Variants in TCF12 observed in about 807,000 individuals in gnomAD.
TCF12 encodes DNA-binding protein HTF4.
TCF12 carries 45 observed loss-of-function variants against 86.0 expected under a neutral mutation model. The observed-to-expected ratio is 0.52, with a 90% CI of 0.41 to 0.67. TCF12 has a LOEUF of 0.67. TCF12 is among the 30% of genes least tolerant of loss of function. The pLI is 0.00. For synonymous variants in TCF12, 330 were observed against 299.6 expected (o/e 1.10, Z -1.05); for missense variants, 881 against 859.9 (o/e 1.02, Z -0.31).
intron 12 of TCF12, among the ~76,000 whole-genome samples, chr15:57,236,107 A>G (rs537640208): frequency 5.9e-5 from 9 of 152,284 alleles, no homozygotes; most frequent in African/African-American, 1.4e-4. Flanking sequence ...AGGTCATTCC[A>G]TAAATCATTT....
chr15:57,197,310 C>T (rs1385527239), intron 7 of TCF12, among the ~76,000 whole-genome samples: 2 of 151,906 alleles, frequency 1.3e-5, no homozygotes, highest in East Asian at 3.9e-4. Flanking sequence ...GCGCCCGCCA[C>T]CACGGCCAGT....
chr15:57,051,733 T>C (rs1350980118), intron 3 of TCF12, among the ~76,000 whole-genome samples: 1 of 152,214 alleles, frequency 6.6e-6, no homozygotes, highest in Admixed American at 6.5e-5. Context: ...ATTTGGATCT[T>C]ACCCAGAGAG....
rs562754857 is a variant in TCF12, at chr15:57,243,463, T to C, written c.1036-9T>C. The C allele has an allele frequency of 8.0e-5, 129 of 1,612,438 alleles. 1 individual carries two copies. The South Asian group carries it at 1.4e-3, about 18-fold the overall frequency. ...GTTGATACATGTATATTTCTTGTTT[T>C]CTGGTTAGATTTATTCTCCTGACCA... On this transcript the variant is annotated splice_polypyrimidine_tract_variant and intron_variant, in intron 12 of 20. Coordinates refer to ENST00000333725, the MANE Select transcript of TCF12 (RefSeq NM_207037.2).
At chr15:57,031,836 T>C (rs887288060) in intron 3 of TCF12, among the ~76,000 whole-genome samples, 1 of 152,158 alleles carries the variant, frequency 6.6e-6, no homozygotes, top group Non-Finnish European at 1.5e-5. Flanking sequence ...TTTTTCCTTT[T>C]CCCCTATTTT....
chr15:57,278,861 T>G (rs1257602632), intron 19 of TCF12, among the ~76,000 whole-genome samples: 1 of 150,420 alleles, frequency 6.6e-6, no homozygotes, highest in Non-Finnish European at 1.5e-5. Flanking sequence ...TTTTTCTTTG[T>G]TTTTCTTTCT....
chr15:57,180,654 A>ATTCTT (rs66524710), intron 6 of TCF12, among the ~76,000 whole-genome samples: 66,824 of 151,292 alleles, frequency 0.44, 15,741 homozygotes, highest in Non-Finnish European at 0.53. Flanking sequence ...ATTCTGTAGA[A>ATTCTT]TAATAACACA....
intron 5 of TCF12, among the ~76,000 whole-genome samples, chr15:57,092,309 C>T (rs988264157): frequency 1.3e-5 from 2 of 152,100 alleles, no homozygotes; most frequent in Admixed American, 1.3e-4. Flanking sequence ...CAATATTTCT[C>T]CTGGCACAAT....
intron 5 of TCF12, among the ~76,000 whole-genome samples, chr15:57,155,474 T>A (rs1375108876): frequency 1.3e-5 from 2 of 152,174 alleles, no homozygotes; most frequent in Non-Finnish European, 2.9e-5. Flanking sequence ...ATGTCATATT[T>A]TGTCCTCATG....
intron 5 of TCF12, among the ~76,000 whole-genome samples, chr15:57,146,019 G>C (rs1367304723): frequency 1.3e-5 from 2 of 152,160 alleles, no homozygotes; most frequent in Non-Finnish European, 2.9e-5. Flanking sequence ...TACACTTTGA[G>C]TGGAGTTAAA....
Position 57,273,123 on chromosome 15 carries a change from C to T in TCF12, c.1839C>T (p.Arg613=), listed in dbSNP as rs1379989668. 1.2e-6 allele frequency: 2 copies of T among 1,614,190 alleles called. No homozygotes were observed. Among genetic ancestry groups the T allele is most frequent in the Admixed American group, 1.7e-5 (1 of 60,032 alleles). ...CTAACAATGCCAGAGAACGCTTACG[C>T]GTGCGGGATATTAATGAAGCATTCA... is the stretch of plus-strand genomic sequence containing the variant. The part of the protein sequence containing the change: ...RMANNARERL[R]VRDINEAFKE... The change falls in exon 19 of 21, where the codon CGC becomes CGT. Residue 613 remains arginine, a synonymous_variant. Transcript: ENST00000333725.
intron 19 of TCF12, 71 bp downstream of exon 19, chr15:57,273,333 C>G (rs1261748886): frequency 1.8e-5 from 27 of 1,483,494 alleles, no homozygotes; most frequent in Non-Finnish European, 2.4e-5. Flanking sequence ...TACAGTTGCT[C>G]TTCTGCTTGG....
intron 5 of TCF12, among the ~76,000 whole-genome samples, chr15:57,127,228 T>C (rs1281558428): frequency 1.3e-5 from 2 of 152,014 alleles, no homozygotes; most frequent in African/African-American, 2.4e-5. Flanking sequence ...GGTGATCCAT[T>C]CATCTTGGCC....
intron 3 of TCF12, among the ~76,000 whole-genome samples, chr15:56,928,887 A>G (rs1283488495): frequency 6.6e-6 from 1 of 152,142 alleles, no homozygotes; most frequent in Non-Finnish European, 1.5e-5. Flanking sequence ...GGTTGGAGAG[A>G]ATGTTAAGAG....
chr15:57,006,344 AC>A (rs1213074906), intron 3 of TCF12, among the ~76,000 whole-genome samples: 1 of 151,822 alleles, frequency 6.6e-6, no homozygotes, highest in Non-Finnish European at 1.5e-5. Context: ...CGCTCTTGTC[AC>A]CCAGGCTGGA....
At chr15:57,170,938 A>G (rs1488674206) in intron 6 of TCF12, among the ~76,000 whole-genome samples, 1 of 146,336 alleles carries the variant, frequency 6.8e-6, no homozygotes, top group East Asian at 2.0e-4. Context: ...CACCACTCCC[A>G]GAGGAAATTT....
intron 13 of TCF12, chr15:57,247,650 T>G: frequency 1.3e-6 from 1 of 776,082 alleles, no homozygotes; most frequent in Non-Finnish European, 2.3e-6. Context: ...GTTTCTTCTT[T>G]AATACCACCA....
intron 5 of TCF12, among the ~76,000 whole-genome samples, chr15:57,097,026 C>T (rs774494373): frequency 2.0e-5 from 3 of 152,142 alleles, no homozygotes; most frequent in Non-Finnish European, 4.4e-5. Context: ...TTGTAGATTG[C>T]ATAGGTTTCA....
chr15:57,119,298 G>T (rs1293352654), intron 5 of TCF12, among the ~76,000 whole-genome samples: 1 of 150,832 alleles, frequency 6.6e-6, no homozygotes, highest in Non-Finnish European at 1.5e-5. Flanking sequence ...TTGTTTTTTT[G>T]TTTTTTTGGC....
intron 5 of TCF12, among the ~76,000 whole-genome samples, chr15:57,141,963 G>T (rs2053000717): frequency 6.6e-6 from 1 of 152,194 alleles, no homozygotes; most frequent in South Asian, 2.1e-4. Flanking sequence ...CAAACGGGAG[G>T]AATAGTTTGG....
Sources: allele counts gnomAD v4.1 joint callset (sites outside exome capture counted in the v4.1 genomes callset), GRCh38; gene constraint gnomAD v4.1.1; transcripts MANE v1.5; gene names NCBI Gene and HGNC (gene_info 2026-07-23, HGNC 2026-07-21).